Variants in TCF7L1 observed in about 807,000 individuals in gnomAD.
TCF7L1 encodes transcription factor 7-like 1.
A neutral mutation model predicts 63.7 loss-of-function variants in TCF7L1; 18 were observed. The ratio of observed to expected loss-of-function variants is 0.28; its 90% CI spans 0.20 to 0.42. The LOEUF (loss-of-function observed/expected upper bound fraction) is 0.42. Among genes scored for constraint, TCF7L1 ranks in the 10% least tolerant of loss-of-function variants. The pLI, the probability that TCF7L1 is intolerant of heterozygous loss-of-function variation, is 1.00. For missense variants in TCF7L1, 654 were observed against 779.3 expected (o/e 0.84, Z 1.91); for synonymous variants, 355 against 340.9 (o/e 1.04, Z -0.46).
rs149308703 is a variant in TCF7L1, at chr2:85,192,510, C to T, written c.441+58060C>T. Reference sequence around the variant, plus strand: ...TCAAGCGATTCTCATGCGTCAGCCTCCTGGGTAGTTGAGATTACAGGCATG... The same window carrying T: ...TCAAGCGATTCTCATGCGTCAGCCTTCTGGGTAGTTGAGATTACAGGCATG... On this transcript the variant is annotated intron_variant, in intron 3 of 11. Coordinates refer to ENST00000282111, the MANE Select transcript of TCF7L1 (RefSeq NM_031283.3). Among the ~76,000 whole-genome samples the T allele has an allele frequency of 2.0e-3, 300 of 151,878 alleles. 1 individual carries two copies. Among genetic ancestry groups the T allele is most frequent in the African/African-American group, 6.9e-3 (285 of 41,490 alleles).
chr2:85,161,002 A>G (rs1241812620), intron 3 of TCF7L1, among the ~76,000 whole-genome samples: 1 of 152,244 alleles, frequency 6.6e-6, no homozygotes, highest in Non-Finnish European at 1.5e-5. Flanking sequence ...ACCACAGTCC[A>G]CTGGCCCACA....
chr2:85,288,450 G>A (rs796254585), intron 4 of TCF7L1, among the ~76,000 whole-genome samples: 15 of 152,284 alleles, frequency 9.9e-5, no homozygotes, highest in African/African-American at 3.6e-4. Context: ...AGAACTTGAA[G>A]GTTTTTCGGA....
chr2:85,203,153 T>C (rs938175837), intron 3 of TCF7L1, among the ~76,000 whole-genome samples: 1 of 152,132 alleles, frequency 6.6e-6, no homozygotes, highest in Non-Finnish European at 1.5e-5. Context: ...CTAACTCTTA[T>C]GAAAGGTTAA....
chr2:85,241,450 T>TTTG, intron 3 of TCF7L1, among the ~76,000 whole-genome samples: 1 of 142,214 alleles, frequency 7.0e-6, no homozygotes, highest in African/African-American at 2.6e-5. Flanking sequence ...TTTTTTTTTT[T>TTTG]TTTTTTTTTT....
intron 3 of TCF7L1, among the ~76,000 whole-genome samples, chr2:85,174,225 A>G (rs1188646929): frequency 1.3e-5 from 2 of 152,150 alleles, no homozygotes; most frequent in Admixed American, 6.5e-5. Flanking sequence ...TATAAAGGGA[A>G]TCGTACAGTG....
intron 3 of TCF7L1, among the ~76,000 whole-genome samples, chr2:85,218,417 G>C (rs1679759235): frequency 6.6e-6 from 1 of 151,962 alleles, no homozygotes; most frequent in African/African-American, 2.4e-5. Flanking sequence ...CACCATGCCT[G>C]GCTAATTTTT....
At chr2:85,172,881 T>C (rs1459024980) in intron 3 of TCF7L1, among the ~76,000 whole-genome samples, 1 of 152,106 alleles carries the variant, frequency 6.6e-6, no homozygotes, top group Non-Finnish European at 1.5e-5. Flanking sequence ...ACCCCTCTCC[T>C]GGATTTATTT....
At chr2:85,152,152 C>T (rs1052360047) in intron 3 of TCF7L1, among the ~76,000 whole-genome samples, 1 of 152,220 alleles carries the variant, frequency 6.6e-6, no homozygotes, top group Non-Finnish European at 1.5e-5. Context: ...TCTCTGCTTA[C>T]TGGTCTGGCA....
chr2:85,303,555 G>T (rs980815016), intron 5 of TCF7L1: 1 of 233,522 alleles, frequency 4.3e-6, no homozygotes, highest in African/African-American at 2.2e-5. Context: ...GGGCTTTCTA[G>T]AGACTTGGTT....
intron 3 of TCF7L1, among the ~76,000 whole-genome samples, chr2:85,147,359 A>G (rs2248076): frequency 0.67 from 101,233 of 151,596 alleles, 34,002 homozygotes; most frequent in East Asian, 0.91. Flanking sequence ...AACCCGAACT[A>G]GGGATTGCTT....
chr2:85,208,178 T>G (rs1222229921), intron 3 of TCF7L1, among the ~76,000 whole-genome samples: 2 of 152,166 alleles, frequency 1.3e-5, no homozygotes, highest in African/African-American at 4.8e-5. Context: ...AGTGCTGGGA[T>G]TACAAGTGTG....
At chr2:85,305,507 A>G (rs1471083205) in intron 8 of TCF7L1, 104 bp downstream of exon 8, 2 of 1,379,904 alleles carry the variant, frequency 1.4e-6, no homozygotes, top group Non-Finnish European at 1.9e-6. Flanking sequence ...TCTTGGTGTC[A>G]CTCAGCAGGC....
chr2:85,164,771 T>G (rs1392479325), intron 3 of TCF7L1, among the ~76,000 whole-genome samples: 1 of 152,218 alleles, frequency 6.6e-6, no homozygotes, highest in Non-Finnish European at 1.5e-5. Context: ...TAAAAAATGT[T>G]TGTGGGTACA....
intron 3 of TCF7L1, among the ~76,000 whole-genome samples, chr2:85,177,719 A>T (rs28445345): frequency 4.7e-4 from 71 of 152,262 alleles, no homozygotes; most frequent in African/African-American, 1.6e-3. Flanking sequence ...AAATAAAAAT[A>T]AAAAAATGAA....
chr2:85,180,209 GGTTTTTTTTTTTGTTTTTGTTTTT>G (rs1449758193), intron 3 of TCF7L1, among the ~76,000 whole-genome samples: 2 of 151,084 alleles, frequency 1.3e-5, no homozygotes, highest in African/African-American at 4.9e-5. Flanking sequence ...TCTGCAAAGT[GGTTTTTTTTTTTGTTTTTGTTTTT>G]GTTTTTTTTT....
chr2:85,147,521 C>T (rs1271397722), intron 3 of TCF7L1, among the ~76,000 whole-genome samples: 1 of 151,858 alleles, frequency 6.6e-6, no homozygotes, highest in Admixed American at 6.6e-5. Context: ...ACTCCTGGCT[C>T]TTGGGGTCCA....
chr2:85,250,133 G>A (rs141108371), intron 3 of TCF7L1, among the ~76,000 whole-genome samples: 40 of 152,318 alleles, frequency 2.6e-4, no homozygotes, highest in African/African-American at 9.4e-4. Flanking sequence ...TTAACAGTCA[G>A]CTCCTGGTGG....
At chr2:85,221,165 C>T (rs532992922) in intron 3 of TCF7L1, among the ~76,000 whole-genome samples, 9 of 152,166 alleles carry the variant, frequency 5.9e-5, no homozygotes, top group African/African-American at 1.7e-4. Context: ...CTTAAGTTCA[C>T]GCTGACACCA....
chr2:85,167,248 G>A (rs891140346), intron 3 of TCF7L1: 1 of 152,816 alleles, frequency 6.5e-6, no homozygotes, highest in Non-Finnish European at 1.5e-5. Flanking sequence ...GACTGGCTGG[G>A]GGGTAAGGGG....
Sources: allele counts gnomAD v4.1 joint callset (sites outside exome capture counted in the v4.1 genomes callset), GRCh38; gene constraint gnomAD v4.1.1; transcripts MANE v1.5; gene names NCBI Gene and HGNC (gene_info 2026-07-23, HGNC 2026-07-21).